The following AP4E1 variants were observed in gnomAD, a reference collection of about 807,000 sequenced individuals.
AP4E1 encodes the protein adaptor related protein complex 4 subunit epsilon 1.
A neutral mutation model predicts 128.2 loss-of-function variants in AP4E1; 56 were observed. That is an observed-to-expected ratio of 0.44 (90% CI 0.35 to 0.55). The LOEUF is 0.55. Among genes scored for constraint, AP4E1 ranks in the 20% least tolerant of loss-of-function variants. AP4E1 has a pLI of 0.00. For missense variants in AP4E1, 1,324 were observed against 1,307.7 expected (o/e 1.01, Z -0.19); for synonymous variants, 484 against 473.1 (o/e 1.02, Z -0.30).
Position 50,959,252 on chromosome 15 carries a change from A to G in AP4E1, c.1851+458A>G, listed in dbSNP as rs551231857. On this transcript the variant is annotated intron_variant, in intron 14 of 20. Transcript: ENST00000261842. Reference sequence around the variant, plus strand: ...ATTCAATCTAAAAAGATCTTCACCAAAGCACATTATAGTCAGACTGACAAA... The same window carrying G: ...ATTCAATCTAAAAAGATCTTCACCAGAGCACATTATAGTCAGACTGACAAA... 5.9e-5 allele frequency among the ~76,000 whole-genome samples: 9 copies of G among 152,232 alleles called. No individual in the cohort carries two copies. In the East Asian group the frequency reaches 1.7e-3, roughly 29 times the overall value.
intron 15 of AP4E1, among the ~76,000 whole-genome samples, chr15:50,983,111 C>T (rs914770606): frequency 1.3e-5 from 2 of 152,122 alleles, no homozygotes; most frequent in Non-Finnish European, 2.9e-5. Flanking sequence ...TTATTGCTTT[C>T]TCCTATTAAA....
intron 13 of AP4E1, among the ~76,000 whole-genome samples, chr15:50,954,611 GA>G (rs2064191469): frequency 6.6e-6 from 1 of 152,148 alleles, no homozygotes; most frequent in African/African-American, 2.4e-5. Context: ...TGTGATTAGA[GA>G]AAATACTATG....
intron 13 of AP4E1, among the ~76,000 whole-genome samples, chr15:50,957,589 C>T (rs910859705): frequency 1.3e-5 from 2 of 151,992 alleles, no homozygotes; most frequent in Non-Finnish European, 2.9e-5. Context: ...CCTAGAATTC[C>T]TCTGCCTCCT....
intron 3 of AP4E1, among the ~76,000 whole-genome samples, chr15:50,922,743 G>C: frequency 6.6e-6 from 1 of 151,988 alleles, no homozygotes; most frequent in East Asian, 1.9e-4. Context: ...TCCACCATGT[G>C]ATAGATTGGA....
At chr15:50,914,765 T>C (rs150884260) in intron 2 of AP4E1, among the ~76,000 whole-genome samples, 157 of 152,250 alleles carry the variant, frequency 1.0e-3, no homozygotes, top group African/African-American at 3.7e-3. Context: ...GCAAATATCT[T>C]AGTGATAAAA....
Position 50,930,873 on chromosome 15 carries a change from A to G in AP4E1, c.771A>G (p.Gly257=), listed in dbSNP as rs1262607412. Residue 257 remains glycine (G), a synonymous_variant, in exon 7 of 21, where the codon GGA becomes GGG. Coordinates refer to ENST00000261842, the MANE Select transcript of AP4E1 (RefSeq NM_007347.5). ...CCATTTTGAAGCAAGTAGTTGGAGGAAAGCTCCCAGTAGAATTCAATTACC... is the reference window on the plus strand; with the variant it reads ...CCATTTTGAAGCAAGTAGTTGGAGGGAAGCTCCCAGTAGAATTCAATTACC... The part of the protein sequence containing the change: ...FVTILKQVVG[G]KLPVEFNYHS... The G allele has an allele frequency of 6.2e-7, 1 of 1,614,128 alleles. No individual in the cohort carries two copies. Among genetic ancestry groups the G allele is most frequent in the Admixed American group, 1.7e-5 (1 of 60,020 alleles).
At chr15:50,920,355 C>T (rs962399073) in intron 3 of AP4E1, among the ~76,000 whole-genome samples, 5 of 151,064 alleles carry the variant, frequency 3.3e-5, no homozygotes, top group African/African-American at 7.3e-5. Flanking sequence ...CCTCGTGATC[C>T]GCCCGCCTCA....
intron 16 of AP4E1, among the ~76,000 whole-genome samples, chr15:50,984,577 G>A (rs1035036092): frequency 4.0e-5 from 6 of 150,416 alleles, no homozygotes; most frequent in East Asian, 2.0e-4. Context: ...TTGTCCTTGC[G>A]ATAGTTTGCT....
intron 3 of AP4E1, among the ~76,000 whole-genome samples, chr15:50,918,901 T>C (rs2063660325): frequency 6.6e-6 from 1 of 152,170 alleles, no homozygotes; most frequent in African/African-American, 2.4e-5. Flanking sequence ...TGGCTTATTT[T>C]TGATTTTTTT....
chr15:50,949,428 AG>A (rs2064114190), intron 11 of AP4E1, among the ~76,000 whole-genome samples: 1 of 151,342 alleles, frequency 6.6e-6, no homozygotes, highest in Admixed American at 6.6e-5. Context: ...AAAAAAAAAA[AG>A]GAAAAAAAGA....
intron 2 of AP4E1, 121 bp from the exon 3 acceptor site, chr15:50,915,327 T>A: frequency 2.0e-6 from 2 of 1,012,556 alleles, no homozygotes; most frequent in Non-Finnish European, 2.9e-6. Flanking sequence ...TAATTTGTAA[T>A]ATATATGTTA....
At chr15:50,968,432 T>C (rs1206062706) in intron 15 of AP4E1, 55 bp downstream of exon 15, 3 of 1,205,086 alleles carry the variant, frequency 2.5e-6, no homozygotes, top group Admixed American at 1.9e-5. Context: ...ATTTTTGATA[T>C]TATAGTCATG....
chr15:50,958,551 G>A lies in AP4E1; in HGVS notation c.1608G>A (p.Lys536=). 1 of 1,613,976 alleles carries A rather than the reference G, an allele frequency of 6.2e-7. No individual in the cohort carries two copies. The change falls in exon 14 of 21, where the codon AAG becomes AAA. Residue 536 remains lysine (K), a synonymous_variant. Transcript: ENST00000261842. ...DKETPEEVIA[K]LYKLLMNDSV... ...AAACGCCAGAGGAAGTTATAGCTAA[G>A]CTCTACAAGTTACTTATGAATGACT... is the stretch of plus-strand genomic sequence containing the variant.
At chr15:50,945,922 C>G in intron 10 of AP4E1, 2 of 1,267,864 alleles carry the variant, frequency 1.6e-6, no homozygotes, top group South Asian at 1.2e-5. Flanking sequence ...GGAAGTGAAT[C>G]GTATTAAACA....
intron 8 of AP4E1, among the ~76,000 whole-genome samples, chr15:50,935,490 G>A (rs1158113896): frequency 1.3e-5 from 2 of 152,086 alleles, no homozygotes; most frequent in Non-Finnish European, 2.9e-5. Flanking sequence ...AACGGGAGGA[G>A]CTGTTCTTTT....
intron 1 of AP4E1, 57 bp from the exon 2 acceptor site, chr15:50,912,021 G>A: frequency 7.8e-7 from 1 of 1,289,260 alleles, no homozygotes. Context: ...TTAGATAAAT[G>A]CTGTTACAGT....
intron 14 of AP4E1, among the ~76,000 whole-genome samples, chr15:50,962,029 A>G (rs1286202236): frequency 6.6e-6 from 1 of 151,936 alleles, no homozygotes; most frequent in African/African-American, 2.4e-5. Context: ...ATACAATACA[A>G]TACAATACAA....
Position 50,988,605 on chromosome 15 carries a change from G to A in AP4E1, c.2090+4460G>A, listed in dbSNP as rs534067845. 6.6e-5 allele frequency among the ~76,000 whole-genome samples: 10 copies of A among 152,218 alleles called. No homozygotes were observed. The South Asian group carries it at 1.2e-3, about 19-fold the overall frequency. On this transcript the variant is annotated intron_variant, in intron 16 of 20. Transcript: ENST00000261842. ...GCTGGGATTACAAGTATGAGCCACC[G>A]TGCCCAGCCTATTTATTATTGTATT...
At position 50,929,017 on chromosome 15, in the gene AP4E1, T is replaced by C; in HGVS notation, c.551T>C (p.Val184Ala). ...TCATTTTTTGTCTTCAGGGAGATTG[T>C]ACGAAGAAAAGCTGTTCTGGCATTA... ...EDKLQHSKEI[V>A]RRKAVLALYK... is the part of the protein sequence containing the mutation. Residue 184 changes from valine (V) to alanine (A), a missense_variant, in exon 6 of 21, where the codon GTA (valine) becomes GCA (alanine). Coordinates refer to ENST00000261842, the MANE Select transcript of AP4E1 (RefSeq NM_007347.5). 1 of 1,613,842 alleles carries C rather than the reference T, an allele frequency of 6.2e-7. No homozygotes were observed. Among genetic ancestry groups the C allele is most frequent in the Non-Finnish European group, 8.5e-7 (1 of 1,179,840 alleles).
Sources: gnomAD v4.1 joint callset for allele counts (sites outside exome capture counted in the v4.1 genomes callset) on GRCh38, gnomAD v4.1.1 for gene constraint, MANE v1.5 for transcripts, NCBI Gene and HGNC (gene_info 2026-07-23, HGNC 2026-07-21) for gene names.